The following LMO2 variants were observed in gnomAD, a reference collection of about 807,000 sequenced individuals.
The protein encoded by LMO2 is rhombotin-2.
Under a neutral mutation model 23.2 loss-of-function variants are expected in LMO2, and 20 were observed. The ratio of observed to expected loss-of-function variants is 0.86; its 90% CI spans 0.61 to 1.25. The LOEUF (loss-of-function observed/expected upper bound fraction) is 1.25, where lower values mean the gene tolerates loss of function less well. Ranked by LOEUF, LMO2 falls within the 50% of genes most tolerant of loss-of-function variation. LMO2 has a pLI of 0.00. For missense variants in LMO2, 270 were observed against 315.3 expected, an observed-to-expected ratio of 0.86 and a Z score of 1.09; for synonymous variants, 123 against 130.2, an observed-to-expected ratio of 0.94 and a Z score of 0.38.
chr11:33,884,076 C>T (rs370142123), intron 1 of LMO2, among the ~76,000 whole-genome samples: 1 of 152,266 alleles, frequency 6.6e-6, no homozygotes. Flanking sequence ...CCAAAACGCA[C>T]CACACCTGAC....
intron 2 of LMO2, among the ~76,000 whole-genome samples, chr11:33,871,336 G>T (rs1024305294): frequency 6.6e-6 from 1 of 151,686 alleles, no homozygotes; most frequent in East Asian, 1.9e-4. Context: ...TCATGCTTGT[G>T]ATCCCAGCAC....
intron 1 of LMO2, among the ~76,000 whole-genome samples, chr11:33,884,982 A>G (rs1857372356): frequency 6.6e-6 from 1 of 152,114 alleles, no homozygotes; most frequent in Non-Finnish European, 1.5e-5. Context: ...GTGTGATCAT[A>G]TTGTAAGACC....
chr11:33,871,657 C>T (rs1857026977), intron 2 of LMO2, among the ~76,000 whole-genome samples: 1 of 148,542 alleles, frequency 6.7e-6, no homozygotes, highest in Admixed American at 6.7e-5. Context: ...AGAATTTAGG[C>T]AAGCCTAAAC....
In LMO2 at chr11:33,859,074, C is replaced by T; in HGVS notation, c.*282G>A. ...ATCATGATAGCACAGCGCCTGCTTG[C>T]CCCTAAATGTTCCTTTCTTCTGCTA... On this transcript the variant is annotated 3_prime_UTR_variant, in exon 6 of 6. Coordinates refer to ENST00000257818, the MANE Select transcript of LMO2 (RefSeq NM_005574.4). 2.3e-6 allele frequency: 1 copy of T among 432,294 alleles called. No individual in the cohort carries two copies. Among genetic ancestry groups the T allele is most frequent in the Non-Finnish European group, 4.3e-6 (1 of 235,118 alleles). 26.8% of individuals were successfully genotyped at this position (432,294 alleles called of 1,614,324 possible).
chr11:33,877,546 C>A (rs545917196), intron 2 of LMO2, among the ~76,000 whole-genome samples: 3 of 141,526 alleles, frequency 2.1e-5, no homozygotes, highest in South Asian at 4.6e-4. Context: ...CTCACTGCAA[C>A]CTCTGCCTCC....
At chr11:33,884,119 C>T (rs1445064522) in intron 1 of LMO2, among the ~76,000 whole-genome samples, 3 of 152,172 alleles carry the variant, frequency 2.0e-5, no homozygotes, top group Non-Finnish European at 4.4e-5. Flanking sequence ...AGGTGTATTA[C>T]TTATGCAGGC....
At chr11:33,891,707 T>TTA (rs1857558835) in intron 1 of LMO2, 88 bp downstream of exon 1, 2 of 152,146 alleles carry the variant, frequency 1.3e-5, no homozygotes, top group Non-Finnish European at 2.9e-5. Flanking sequence ...AAAGACCAAT[T>TTA]TAATCACCAC....
intron 4 of LMO2, among the ~76,000 whole-genome samples, chr11:33,866,512 A>G (rs1856789578): frequency 1.3e-5 from 2 of 152,170 alleles, no homozygotes; most frequent in Non-Finnish European, 2.9e-5. Flanking sequence ...GGCATGAGCC[A>G]GTAGTCCCAG....
Position 33,880,112 on chromosome 11 carries a change from G to C in LMO2, c.-272+1712C>G, listed in dbSNP as rs1857227457. Among the ~76,000 whole-genome samples, 2 of 150,916 alleles carry C rather than the reference G, an allele frequency of 1.3e-5. No individual in the cohort carries two copies. Among genetic ancestry groups the C allele is most frequent in the Admixed American group, 6.6e-5 (1 of 15,106 alleles). On this transcript the variant is annotated intron_variant, in intron 2 of 5. Transcript: ENST00000257818. This position sits in a 1 kb window ranked among gnomAD's most constrained non-coding sequence, Gnocchi z 4.3. ...AGCAACCAAGTGTCTATCAACAGAT[G>C]GATTTTTTAAAGTGATATACGCATA... is the stretch of plus-strand genomic sequence containing the variant.
At chr11:33,888,074 A>T (rs2133719676) in intron 1 of LMO2, among the ~76,000 whole-genome samples, 1 of 152,302 alleles carries the variant, frequency 6.6e-6, no homozygotes, top group South Asian at 2.1e-4. Flanking sequence ...TGACAGAGGC[A>T]CTCACGTGAC....
intron 5 of LMO2, among the ~76,000 whole-genome samples, chr11:33,863,086 A>G (rs1208268442): frequency 1.3e-5 from 2 of 152,154 alleles, no homozygotes; most frequent in African/African-American, 2.4e-5. Flanking sequence ...TCTGCACTTC[A>G]GTTAATAAGA....
In LMO2 at chr11:33,864,855, G is replaced by C. The variant is rs945903488; in HGVS notation, c.249-38C>G. ...CCAAGCATCAGGGACAGCCTCACCA[G>C]AGTGAGACCAGCACCGAGGGTCCGA... On this transcript the variant is annotated intron_variant, in intron 4 of 5. Transcript: ENST00000257818. This position sits in a 1 kb window ranked among gnomAD's most constrained non-coding sequence, Gnocchi z 4.8. The C allele has an allele frequency of 6.9e-6, 11 of 1,586,176 alleles. No individual in the cohort carries two copies. Among genetic ancestry groups the C allele is most frequent in the Non-Finnish European group, 9.5e-6 (11 of 1,158,056 alleles).
At chr11:33,862,564 G>A (rs1199253441) in intron 5 of LMO2, among the ~76,000 whole-genome samples, 2 of 151,664 alleles carry the variant, frequency 1.3e-5, no homozygotes, top group African/African-American at 4.8e-5. Flanking sequence ...ACTGTAACAG[G>A]CAACTCAGCC....
At position 33,890,648 on chromosome 11, in the gene LMO2, G is replaced by A. The variant is rs546533666; in HGVS notation, c.-336+1147C>T. Among the ~76,000 whole-genome samples the A allele has an allele frequency of 4.6e-5, 7 of 152,192 alleles. No individual in the cohort carries two copies. The East Asian group carries it at 5.8e-4, about 13-fold the overall frequency. ...ATTACAGGCGTTAGCCAATGTGCCCGGCCTGTAAGTTTTTTAAAAACCTAG... is the reference window on the plus strand; with the variant it reads ...ATTACAGGCGTTAGCCAATGTGCCCAGCCTGTAAGTTTTTTAAAAACCTAG... On this transcript the variant is annotated intron_variant, in intron 1 of 5. Transcript: ENST00000257818.
rs1266624357 is a variant in LMO2 at position 33,864,614 on chromosome 11, C to T, written c.452G>A (p.Arg151Lys). ...YYKLGRKLCRRDYLRLFGQDG... is the reference protein window; with the variant it reads ...YYKLGRKLCRKDYLRLFGQDG... ...CCGGGGAGGGTACCTGAGATAGTCT[C>T]TCCGGCAGAGCTTCCGGCCCAGTTT... The change falls in exon 5 of 6, where the codon AGA (arginine) becomes AAA (lysine). Residue 151 changes from arginine to lysine, a missense_variant. Coordinates refer to ENST00000257818, the MANE Select transcript of LMO2 (RefSeq NM_005574.4). The surrounding 1 kb of genome is among the most constrained non-coding windows in gnomAD (Gnocchi z 4.8). 1.2e-6 allele frequency: 2 copies of T among 1,613,492 alleles called. No individual in the cohort carries two copies.
At chr11:33,862,323 T>G (rs1856612122) in intron 5 of LMO2, among the ~76,000 whole-genome samples, 1 of 152,178 alleles carries the variant, frequency 6.6e-6, no homozygotes, top group Admixed American at 6.5e-5. Context: ...GGGGCAGGCA[T>G]ACTTCTGGCT....
At chr11:33,870,311 C>T in intron 2 of LMO2, 17 of 961,566 alleles carry the variant, frequency 1.8e-5, no homozygotes, top group Non-Finnish European at 2.1e-5. Flanking sequence ...CTCGAGCAAG[C>T]AAGAAAAGAC....
At chr11:33,884,229 A>T (rs918315798) in intron 1 of LMO2, among the ~76,000 whole-genome samples, 2 of 152,126 alleles carry the variant, frequency 1.3e-5, no homozygotes, top group African/African-American at 4.8e-5. Context: ...ACCTACGTAG[A>T]TATAGGACAG....
intron 1 of LMO2, among the ~76,000 whole-genome samples, chr11:33,882,599 G>C (rs1455718161): frequency 1.3e-5 from 2 of 152,188 alleles, no homozygotes; most frequent in Non-Finnish European, 2.9e-5. Flanking sequence ...GCATTTATTG[G>C]ATTTGTCTCT....
Sources: gnomAD v4.1 joint callset for allele counts (sites outside exome capture counted in the v4.1 genomes callset) on GRCh38, gnomAD v4.1.1 for gene constraint, Gnocchi (gnomAD v3.1) non-coding constraint, MANE v1.5 for transcripts, NCBI Gene and HGNC (gene_info 2026-07-23, HGNC 2026-07-21) for gene names.